The following RNF138 variants were observed in gnomAD, a reference collection of about 807,000 sequenced individuals.
RNF138 encodes E3 ubiquitin-protein ligase RNF138.
Under a neutral mutation model 31.0 loss-of-function variants are expected in RNF138, and 12 were observed. The ratio of observed to expected loss-of-function variants is 0.39; its 90% confidence interval spans 0.25 to 0.63. The LOEUF (loss-of-function observed/expected upper bound fraction) is 0.63, where lower values mean the gene tolerates loss of function less well. Among genes scored for constraint, RNF138 ranks in the 20% least tolerant of loss-of-function variants. RNF138 has a pLI of 0.52. For missense variants in RNF138, 192 were observed against 300.1 expected, an observed-to-expected ratio of 0.64 and a Z score of 2.66; for synonymous variants, 105 against 99.5, an observed-to-expected ratio of 1.06 and a Z score of -0.33.
intron 2 of RNF138, among the ~76,000 whole-genome samples, chr18:32,094,693 T>TA (rs909560422): frequency 6.6e-5 from 10 of 151,984 alleles, no homozygotes; most frequent in Admixed American, 5.2e-4. Flanking sequence ...TTCCAATATT[T>TA]AAAAAAAATT....
At chr18:32,129,075 G>T (rs369818590) in intron 7 of RNF138, 44 bp from the exon 8 acceptor site, 4 of 1,333,828 alleles carry the variant, frequency 3.0e-6, no homozygotes, top group Non-Finnish European at 4.3e-6. Flanking sequence ...TATTAGAGTA[G>T]TTGAATATGT....
intron 6 of RNF138, 154 bp downstream of exon 6, chr18:32,124,999 T>C: frequency 1.8e-6 from 1 of 557,796 alleles, no homozygotes; most frequent in South Asian, 2.4e-5. Context: ...TTGATGACTG[T>C]GAAGCAAAAT....
intron 2 of RNF138, among the ~76,000 whole-genome samples, chr18:32,100,468 C>CTTTTTTTT (rs754111567): frequency 1.1e-4 from 8 of 69,886 alleles, no homozygotes; most frequent in African/African-American, 2.2e-4. Flanking sequence ...ACCCAACTAA[C>CTTTTTTTT]TTTTTTTTTT....
intron 2 of RNF138, among the ~76,000 whole-genome samples, chr18:32,105,656 GA>G (rs2040016338): frequency 6.6e-6 from 1 of 152,126 alleles, no homozygotes; most frequent in African/African-American, 2.4e-5. Flanking sequence ...AAATGTGGGG[GA>G]ATATCTCTGA....
chr18:32,116,671 C>T (rs1284174517), intron 4 of RNF138, among the ~76,000 whole-genome samples: 1 of 152,048 alleles, frequency 6.6e-6, no homozygotes, highest in Non-Finnish European at 1.5e-5. Context: ...TCTGCCTCAG[C>T]CTCCCATGTA....
intron 4 of RNF138, among the ~76,000 whole-genome samples, chr18:32,114,479 C>G (rs941815872): frequency 1.3e-5 from 2 of 152,256 alleles, no homozygotes; most frequent in Non-Finnish European, 2.9e-5. Flanking sequence ...TACCTATTAA[C>G]CCAGGTCAAG....
intron 1 of RNF138, 46 bp from the exon 2 acceptor site, chr18:32,092,654 C>A (rs781414349): frequency 1.5e-6 from 1 of 667,512 alleles, no homozygotes; most frequent in Non-Finnish European, 2.7e-6. Flanking sequence ...TCCTGGCGCG[C>A]GCTGTATCCT....
chr18:32,092,478 C>T, intron 1 of RNF138: 1 of 374,980 alleles, frequency 2.7e-6, no homozygotes, highest in South Asian at 2.8e-5. Flanking sequence ...GGGTGAGGGG[C>T]GAGCGGGGCG....
chr18:32,127,003 G>A (rs1225900694), intron 7 of RNF138, among the ~76,000 whole-genome samples: 1 of 152,054 alleles, frequency 6.6e-6, no homozygotes, highest in Non-Finnish European at 1.5e-5. Context: ...TCCACCTCCT[G>A]TACTAGAGAG....
chr18:32,129,239 G>T lies in RNF138; in HGVS notation c.*52G>T. The T allele has an allele frequency of 2.5e-6, 3 of 1,186,068 alleles. No individual in the cohort carries two copies. Among genetic ancestry groups the T allele is most frequent in the Non-Finnish European group, 3.8e-6 (3 of 794,064 alleles). 73.5% of individuals were successfully genotyped at this position (1,186,068 alleles called of 1,614,324 possible). On this transcript the variant is annotated 3_prime_UTR_variant, in exon 8 of 8. Coordinates refer to ENST00000261593, the MANE Select transcript of RNF138 (RefSeq NM_016271.5). ...TACCTGCAAGTGCCATCTTTAAGGG[G>T]GAAACTACATGAAGTCACCGTTACA...
rs377249875 is a variant in RNF138, at chr18:32,107,621, A to G, written c.111-4133A>G. ...CTGCAACCTCTGCCTCCCAGGTTCA[A>G]GTGATTCTCCTACCTCAGCCTCCCA... On this transcript the variant is annotated intron_variant, in intron 2 of 7. Transcript: ENST00000261593. Among the ~76,000 whole-genome samples the G allele has an allele frequency of 5.9e-5, 9 of 152,100 alleles. No individual in the cohort carries two copies. In the East Asian group the frequency reaches 7.7e-4, roughly 13 times the overall value.
At chr18:32,114,024 CTGTT>C in intron 4 of RNF138, 164 bp downstream of exon 4, 1 of 454,992 alleles carries the variant, frequency 2.2e-6, no homozygotes, top group Non-Finnish European at 3.9e-6. Context: ...GCCTTAAAAT[CTGTT>C]TGGCACACGT....
chr18:32,107,940 C>T (rs770107018), intron 2 of RNF138, among the ~76,000 whole-genome samples: 13 of 151,874 alleles, frequency 8.6e-5, no homozygotes, highest in African/African-American at 2.2e-4. Context: ...CTGCAAGCTC[C>T]ACCTCCCAGG....
chr18:32,092,816 G>A lies in RNF138; in HGVS notation c.40G>A (p.Asp14Asn). The A allele has an allele frequency of 6.3e-7, 1 of 1,599,566 alleles. No individual in the cohort carries two copies. The highest frequency in any genetic ancestry group is 8.5e-7 in the Non-Finnish European group (1 of 1,175,400). ...DLSAATSYTE[D>N]DFYCPVCQEV... The stretch of plus-strand genomic sequence containing the variant: ...CTCTGCGGCCACGTCCTACACCGAA[G>A]ATGATTTCTACTGCCCCGTCTGTCA... Residue 14 changes from aspartate (D) to asparagine (N), a missense_variant, in exon 2 of 8, where the codon GAT (aspartate) becomes AAT (asparagine). Asp to Asn is a conservative substitution (Grantham distance 23). Coordinates refer to ENST00000261593, the MANE Select transcript of RNF138 (RefSeq NM_016271.5).
At chr18:32,116,036 G>A (rs906340295) in intron 4 of RNF138, among the ~76,000 whole-genome samples, 1 of 152,202 alleles carries the variant, frequency 6.6e-6, no homozygotes, top group Non-Finnish European at 1.5e-5. Context: ...GTTGTCTCAT[G>A]TGTTTAAGGA....
At chr18:32,099,653 G>A (rs1487805425) in intron 2 of RNF138, among the ~76,000 whole-genome samples, 3 of 152,076 alleles carry the variant, frequency 2.0e-5, no homozygotes, top group Non-Finnish European at 4.4e-5. Context: ...GATCTGCCCC[G>A]CCTCGGCCTC....
chr18:32,125,073 A>G (rs2040363617), intron 6 of RNF138: 3 of 432,578 alleles, frequency 6.9e-6, no homozygotes, highest in Non-Finnish European at 1.3e-5. Flanking sequence ...GAGGTAATAT[A>G]GCACAGTCTG....
intron 2 of RNF138, among the ~76,000 whole-genome samples, chr18:32,099,479 C>T (rs1156290868): frequency 2.6e-5 from 4 of 152,052 alleles, no homozygotes; most frequent in Admixed American, 6.6e-5. Flanking sequence ...CTTGGCTCAC[C>T]GCAACCTCCA....
chr18:32,110,465 T>A (rs1007411649), intron 2 of RNF138, among the ~76,000 whole-genome samples: 5 of 152,246 alleles, frequency 3.3e-5, no homozygotes, highest in Non-Finnish European at 5.9e-5. Context: ...ATACTTTTAT[T>A]ATTTCGTGAG....
Sources: gnomAD v4.1 joint callset for allele counts (sites outside exome capture counted in the v4.1 genomes callset) on GRCh38, gnomAD v4.1.1 for gene constraint, MANE v1.5 for transcripts, NCBI Gene and HGNC (gene_info 2026-07-23, HGNC 2026-07-21) for gene names.